MGMT: variants seen among roughly 807,000 people sequenced by gnomAD.
MGMT encodes O-6-methylguanine-DNA methyltransferase.
Under a neutral mutation model 15.9 loss-of-function variants are expected in MGMT, and 14 were observed. The observed-to-expected ratio is 0.88, with a 90% CI of 0.58 to 1.37. MGMT has a LOEUF of 1.37. Among genes scored for constraint, MGMT ranks in the 40% most tolerant of loss-of-function variants. The pLI is 0.00. For missense variants in MGMT, 282 were observed against 268.1 expected (o/e 1.05, Z -0.36); for synonymous variants, 130 against 118.2 (o/e 1.10, Z -0.65).
intron 2 of MGMT, among the ~76,000 whole-genome samples, chr10:129,573,558 A>T (rs1019431810): frequency 4.0e-5 from 6 of 151,556 alleles, no homozygotes; most frequent in African/African-American, 1.5e-4. Flanking sequence ...ATTTCCTTCT[A>T]CTTTTTAAAT....
At chr10:129,507,992 G>T (rs936248749) in intron 1 of MGMT, among the ~76,000 whole-genome samples, 2 of 152,288 alleles carry the variant, frequency 1.3e-5, no homozygotes, top group Admixed American at 6.5e-5. Context: ...CCTTTGCAGG[G>T]AGGTGACGCC....
intron 1 of MGMT, among the ~76,000 whole-genome samples, chr10:129,492,559 G>T (rs949454561): frequency 5.3e-5 from 8 of 152,180 alleles, no homozygotes; most frequent in Non-Finnish European, 1.0e-4. Flanking sequence ...CACTTTTGGG[G>T]TTCTGATTCT....
intron 1 of MGMT, among the ~76,000 whole-genome samples, chr10:129,476,121 G>A (rs1365156503): frequency 1.3e-5 from 2 of 152,226 alleles, no homozygotes; most frequent in African/African-American, 2.4e-5. Flanking sequence ...CCTTGAGGCA[G>A]AAGCAGTCGT....
At chr10:129,760,895 T>C (rs1848865057) in intron 4 of MGMT, among the ~76,000 whole-genome samples, 1 of 152,188 alleles carries the variant, frequency 6.6e-6, no homozygotes, top group Admixed American at 6.5e-5. Context: ...TTTGCACCTG[T>C]TGCACATTAA....
chr10:129,695,669 G>C (rs1297129122), intron 2 of MGMT, among the ~76,000 whole-genome samples: 1 of 152,206 alleles, frequency 6.6e-6, no homozygotes, highest in African/African-American at 2.4e-5. Context: ...TCTTAGCCCT[G>C]TTGGTACCAA....
rs61316662 is a variant in MGMT, at chr10:129,518,337, T to TAC, written c.-12-17868_-12-17867dup. On this transcript the variant is annotated intron_variant, in intron 1 of 4. Transcript: ENST00000651593. ...TGATGTGTGTACAGATACACACACA[T>TAC]ACACACACACACACACACACACACA... is the stretch of plus-strand genomic sequence containing the variant. 5.6e-3 allele frequency among the ~76,000 whole-genome samples: 671 copies of TAC among 119,638 alleles called. 3 individuals are homozygous for TAC. Among genetic ancestry groups the TAC allele is most frequent in the African/African-American group, 8.7e-3 (289 of 33,262 alleles). The allele number at this position is 119,638 out of a possible 152,430, so 78.5% of individuals were successfully genotyped here. A position where few individuals can be genotyped will look rare whatever the true frequency, so the allele number is the denominator to read the frequency against.
At chr10:129,603,983 C>T (rs970941620) in intron 2 of MGMT, among the ~76,000 whole-genome samples, 5 of 152,114 alleles carry the variant, frequency 3.3e-5, no homozygotes, top group African/African-American at 1.2e-4. Flanking sequence ...GTGCCTGGTG[C>T]CCTCTTAGAA....
chr10:129,649,827 G>C (rs950370355), intron 2 of MGMT, among the ~76,000 whole-genome samples: 1 of 152,214 alleles, frequency 6.6e-6, no homozygotes, highest in Non-Finnish European at 1.5e-5. Flanking sequence ...GTGACATGCT[G>C]TCTTCATTTT....
intron 2 of MGMT, among the ~76,000 whole-genome samples, chr10:129,548,793 C>A (rs1320738920): frequency 2.6e-5 from 4 of 152,032 alleles, no homozygotes; most frequent in Non-Finnish European, 1.5e-5. Context: ...AGTGCAAGGA[C>A]CATCAGGGCA....
At chr10:129,597,580 C>G (rs1212051318) in intron 2 of MGMT, among the ~76,000 whole-genome samples, 1 of 152,200 alleles carries the variant, frequency 6.6e-6, no homozygotes, top group Non-Finnish European at 1.5e-5. Flanking sequence ...CCCTTACCCC[C>G]TTATTTTTGA....
intron 3 of MGMT, among the ~76,000 whole-genome samples, chr10:129,741,414 G>A (rs557619088): frequency 1.3e-5 from 2 of 152,324 alleles, no homozygotes; most frequent in African/African-American, 4.8e-5. Context: ...CGCGTGTGGT[G>A]CGAGGCGTGC....
chr10:129,589,310 AGT>A (rs1029738904), intron 2 of MGMT, among the ~76,000 whole-genome samples: 1 of 152,138 alleles, frequency 6.6e-6, no homozygotes, highest in African/African-American at 2.4e-5. Context: ...GTGGGGACAA[AGT>A]GTGTGTTGTC....
At chr10:129,687,847 A>T (rs558179642) in intron 2 of MGMT, among the ~76,000 whole-genome samples, 2 of 135,418 alleles carry the variant, frequency 1.5e-5, no homozygotes, top group Non-Finnish European at 3.2e-5. Context: ...TCCCTCCCCC[A>T]GCCCCCCACC....
chr10:129,521,694 C>A (rs58103386), intron 1 of MGMT, among the ~76,000 whole-genome samples: 59,193 of 152,036 alleles, frequency 0.39, 12,747 homozygotes, highest in East Asian at 0.63. Flanking sequence ...CTGCTGGGGT[C>A]AGGGGGTCTC....
chr10:129,590,132 G>C lies in MGMT; in HGVS notation c.125+53755G>C, dbSNP rs528157855. ...GGACCGGAGCTTCTGTTAGGCAGGC[G>C]GGGGCTCTGCCGCAGGCCCACATTC... On this transcript the variant is annotated intron_variant, in intron 2 of 4. Transcript: ENST00000651593. Among the ~76,000 whole-genome samples, 17 of 152,306 alleles carry C rather than the reference G, an allele frequency of 1.1e-4. 1 individual carries two copies. The South Asian group carries it at 3.1e-3, about 28-fold the overall frequency.
At chr10:129,548,484 C>A (rs1192292822) in intron 2 of MGMT, among the ~76,000 whole-genome samples, 1 of 152,198 alleles carries the variant, frequency 6.6e-6, no homozygotes, top group Non-Finnish European at 1.5e-5. Flanking sequence ...TATTGTACAA[C>A]CCAGCACTGC....
chr10:129,670,732 A>C (rs1847711705), intron 2 of MGMT, among the ~76,000 whole-genome samples: 1 of 152,226 alleles, frequency 6.6e-6, no homozygotes, highest in South Asian at 2.1e-4. Flanking sequence ...TTATGCCAGT[A>C]AATGTGACAA....
At chr10:129,500,493 G>A (rs374569476) in intron 1 of MGMT, among the ~76,000 whole-genome samples, 219 of 152,310 alleles carry the variant, frequency 1.4e-3, no homozygotes, top group African/African-American at 5.0e-3. Context: ...GTGATACATG[G>A]ATTATAATAT....
At chr10:129,569,693 C>G (rs563574312) in intron 2 of MGMT, among the ~76,000 whole-genome samples, 2 of 152,256 alleles carry the variant, frequency 1.3e-5, no homozygotes, top group East Asian at 3.9e-4. Flanking sequence ...TCCTTTGCCT[C>G]CTGACCTTGT....
Sources: allele counts gnomAD v4.1 joint callset (sites outside exome capture counted in the v4.1 genomes callset), GRCh38; gene constraint gnomAD v4.1.1; transcripts MANE v1.5; gene names NCBI Gene and HGNC (gene_info 2026-07-23, HGNC 2026-07-21).